The following UNC13A variants were observed in gnomAD, a reference collection of about 807,000 sequenced individuals.
UNC13A encodes unc-13 homolog A.
In UNC13A, 61 loss-of-function variants were observed where a neutral mutation model predicts 219.7. The observed-to-expected ratio is 0.28, with a 90% CI of 0.23 to 0.34. The LOEUF (loss-of-function observed/expected upper bound fraction) is 0.34, where lower values mean the gene tolerates loss of function less well. UNC13A is among the 10% of genes least tolerant of loss of function. The pLI is 1.00. For missense variants in UNC13A, 1,476 were observed against 2,270.3 expected (o/e 0.65, Z 7.11); for synonymous variants, 920 against 884.6 (o/e 1.04, Z -0.71).
At chr19:17,681,341 G>T (rs2080014981) in intron 1 of UNC13A, among the ~76,000 whole-genome samples, 1 of 152,072 alleles carries the variant, frequency 6.6e-6, no homozygotes, top group African/African-American at 2.4e-5. Flanking sequence ...TTAGCTTGGG[G>T]GAAGGGAGGA....
intron 37 of UNC13A, 23 bp from the exon 38 acceptor site, chr19:17,620,745 G>A (rs747142420): frequency 3.7e-6 from 6 of 1,612,262 alleles, no homozygotes; most frequent in Non-Finnish European, 5.1e-6. Context: ...TCAGGTGGAG[G>A]TCAGAGTTCT....
At chr19:17,626,926 G>T (rs2076789545) in intron 33 of UNC13A, 141 bp from the exon 34 acceptor site, 1 of 1,302,688 alleles carries the variant, frequency 7.7e-7, no homozygotes, top group African/African-American at 1.5e-5. Context: ...AGATGCGGTG[G>T]CTCACGCCTT....
chr19:17,628,311 C>T (rs766997562), intron 31 of UNC13A: 1 of 202,076 alleles, frequency 4.9e-6, no homozygotes, highest in Non-Finnish European at 9.9e-6. Flanking sequence ...ACACTGAAGG[C>T]GTGTGCCCTC....
At chr19:17,640,007 C>A in intron 22 of UNC13A, 99 bp from the exon 23 acceptor site, 1 of 1,164,126 alleles carries the variant, frequency 8.6e-7, no homozygotes, top group South Asian at 1.3e-5. Flanking sequence ...CATCCACCAC[C>A]CTCATAATGT....
intron 43 of UNC13A, among the ~76,000 whole-genome samples, chr19:17,609,092 G>T (rs907898799): frequency 2.0e-5 from 3 of 150,250 alleles, no homozygotes; most frequent in Non-Finnish European, 4.4e-5. Context: ...CGAGTAGCTG[G>T]GATCACAGGC....
chr19:17,668,641 C>G (rs2145899112), intron 5 of UNC13A, among the ~76,000 whole-genome samples: 1 of 152,126 alleles, frequency 6.6e-6, no homozygotes, highest in East Asian at 1.9e-4. Context: ...TGTGCACCAC[C>G]ATGCCCAGTT....
Position 17,602,840 on chromosome 19 carries a change from T to A in UNC13A, c.*3214A>T, listed in dbSNP as rs1793302671. 1 of 152,216 alleles carries A rather than the reference T, an allele frequency of 6.6e-6. No individual in the cohort carries two copies. Among genetic ancestry groups the A allele is most frequent in the Admixed American group, 6.5e-5 (1 of 15,270 alleles). 9.4% of individuals were successfully genotyped at this position (152,216 alleles called of 1,614,324 possible). On this transcript the variant is annotated 3_prime_UTR_variant, in exon 44 of 44. Coordinates refer to ENST00000519716, the MANE Select transcript of UNC13A (RefSeq NM_001080421.3). ...CTCACACTGACCCTGCCCCAATACA[T>A]AATTCCACTAGGCGTAGACTCCCTG...
intron 1 of UNC13A, among the ~76,000 whole-genome samples, chr19:17,680,773 T>G (rs922780450): frequency 6.6e-6 from 1 of 151,696 alleles, no homozygotes; most frequent in Non-Finnish European, 1.5e-5. Context: ...ACTGTTTTTA[T>G]TATTTGGTTG....
At chr19:17,625,937 C>T (rs201051590) in intron 34 of UNC13A, among the ~76,000 whole-genome samples, 1 of 118,670 alleles carries the variant, frequency 8.4e-6, no homozygotes, top group Admixed American at 9.4e-5. Context: ...ATCCATTCAT[C>T]CATCCATCCA....
At chr19:17,609,107 G>A (rs1412756211) in intron 43 of UNC13A, among the ~76,000 whole-genome samples, 2 of 145,982 alleles carry the variant, frequency 1.4e-5, no homozygotes, top group Non-Finnish European at 3.0e-5. Context: ...ACAGGCGTGC[G>A]CCACCACACC....
At chr19:17,663,636 C>T (rs2079591221) in intron 7 of UNC13A, 69 bp from the exon 8 acceptor site, 2 of 1,515,878 alleles carry the variant, frequency 1.3e-6, no homozygotes, top group Non-Finnish European at 9.0e-7. Flanking sequence ...AGGGGGCTCC[C>T]CTGCTGTCCT....
intron 26 of UNC13A, 61 bp from the exon 27 acceptor site, chr19:17,633,254 T>C: frequency 1.3e-6 from 2 of 1,506,618 alleles, no homozygotes. Context: ...ATGGGCTGCT[T>C]TGTCCTTCCC....
intron 1 of UNC13A, among the ~76,000 whole-genome samples, chr19:17,681,158 A>G (rs972999660): frequency 1.5e-5 from 2 of 135,464 alleles, no homozygotes; most frequent in African/African-American, 5.7e-5. Flanking sequence ...TCGGCCTCCC[A>G]AAGTGTTGGA....
At chr19:17,648,110 T>C (rs1303541861) in intron 16 of UNC13A, among the ~76,000 whole-genome samples, 1 of 148,806 alleles carries the variant, frequency 6.7e-6, no homozygotes, top group Non-Finnish European at 1.5e-5. Flanking sequence ...TAACCCATTT[T>C]ATCCAGGGGA....
intron 42 of UNC13A, among the ~76,000 whole-genome samples, chr19:17,611,044 A>AAACAAC (rs1555776086): frequency 6.6e-6 from 1 of 152,060 alleles, no homozygotes; most frequent in Non-Finnish European, 1.5e-5. Context: ...TAAAACAAAC[A>AAACAAC]AACAACAACA....
intron 19 of UNC13A, among the ~76,000 whole-genome samples, chr19:17,643,679 T>C (rs2076994498): frequency 6.6e-6 from 1 of 152,162 alleles, no homozygotes; most frequent in African/African-American, 2.4e-5. Flanking sequence ...GGCTTGAGTC[T>C]CCCTGTTTAG....
At chr19:17,622,536 GGAA>G (rs2076739159) in intron 36 of UNC13A, 1 of 153,088 alleles carries the variant, frequency 6.5e-6, no homozygotes, top group South Asian at 1.8e-4. Context: ...GCAGCTACCA[GGAA>G]GTAAGAGCCC....
rs2080154383 is a variant in UNC13A, at chr19:17,688,295, C to A, written c.-96G>T. ...GCTGGGGCATCTCCCGGCTGCAGCC[C>A]GCGCTTGGCTCACGCCGGGGCCCGG... On this transcript the variant is annotated 5_prime_UTR_variant, in exon 1 of 44. Transcript: ENST00000519716. 4 of 1,349,174 alleles carry A rather than the reference C, an allele frequency of 3.0e-6. No homozygotes were observed. The highest frequency in any genetic ancestry group is 3.8e-6 in the Non-Finnish European group (4 of 1,050,576). The allele number at this position is 1,349,174 out of a possible 1,614,324, so 83.6% of individuals were successfully genotyped here. A position where few individuals can be genotyped will look rare whatever the true frequency, so the allele number is the denominator to read the frequency against.
rs767317391 is a variant in UNC13A, at chr19:17,639,503, G to A, written c.2879C>T (p.Pro960Leu). 39 of 1,613,376 alleles carry A rather than the reference G, an allele frequency of 2.4e-5. No individual in the cohort carries two copies. The highest frequency in any genetic ancestry group is 8.3e-5 in the Admixed American group (5 of 59,992). ...MYRNNFPASS[P>L]ERLQDLKSTV... ...GGATTTGAGGTCCTGGAGTCTCTCCGGGCTGCTGGCTGGGAAGTTATTCTG... is the reference window on the plus strand; with the variant it reads ...GGATTTGAGGTCCTGGAGTCTCTCCAGGCTGCTGGCTGGGAAGTTATTCTG... Residue 960 changes from proline to leucine, a missense_variant, in exon 24 of 44, where the codon CCG becomes CTG. Coordinates refer to ENST00000519716, the MANE Select transcript of UNC13A (RefSeq NM_001080421.3).
Sources: allele counts gnomAD v4.1 joint callset (sites outside exome capture counted in the v4.1 genomes callset), GRCh38; gene constraint gnomAD v4.1.1; transcripts MANE v1.5; gene names NCBI Gene and HGNC (gene_info 2026-07-23, HGNC 2026-07-21).